FREM1: variants seen among roughly 807,000 people sequenced by gnomAD.
The protein encoded by FREM1 is FRAS1 related extracellular matrix 1.
A neutral mutation model predicts 210.1 loss-of-function variants in FREM1; 220 were observed. That is an observed-to-expected ratio of 1.05 (90% CI 0.94 to 1.17). FREM1 has a LOEUF of 1.17. FREM1 is among the 50% of genes most tolerant of loss of function. FREM1 has a pLI of 0.00. For synonymous variants in FREM1, 1,189 were observed against 980.2 expected (o/e 1.21, Z -3.98); for missense variants, 3,454 against 2,675.5 (o/e 1.29, Z -6.42).
intron 1 of FREM1, among the ~76,000 whole-genome samples, chr9:14,907,944 G>A (rs1000771860): frequency 6.6e-6 from 1 of 152,098 alleles, no homozygotes; most frequent in Non-Finnish European, 1.5e-5. Flanking sequence ...CAACAACTAA[G>A]ATTTGAAACA....
In FREM1 at chr9:14,859,470, T is replaced by C. The variant is rs1429036733; in HGVS notation, c.344A>G (p.Asp115Gly). 16 of 1,612,358 alleles carry C rather than the reference T, an allele frequency of 9.9e-6. No homozygotes were observed. The highest frequency in any genetic ancestry group is 1.3e-5 in the Non-Finnish European group (15 of 1,178,946). Residue 115 changes from aspartate (D) to glycine (G), a missense_variant, in exon 4 of 37, where the codon GAT (aspartate) becomes GGT (glycine). Transcript: ENST00000380880. The part of the protein sequence containing the change: ...KLRLYRFTER[D>G]TFIETFILWV... ...CAGGATAAAAGTTTCTATGAAGGTA[T>C]CTCTTTCAGTAAATCTGTGGAGAAC...
Position 14,851,455 on chromosome 9 carries a change from G to C in FREM1, c.981C>G (p.Thr327=). Residue 327 remains threonine, a synonymous_variant, in exon 6 of 37, where the codon ACC becomes ACG. Coordinates refer to ENST00000380880, the MANE Select transcript of FREM1 (RefSeq NM_001379081.2). The stretch of plus-strand genomic sequence containing the variant: ...TGTTGAACACCAGCAAGGGTTTAGG[G>C]GTCTCATCTTCTTCACAGTCCAGAA... ...TSVLDCEEDE[T]PKPLLVFNIT... 5.0e-6 allele frequency: 8 copies of C among 1,613,900 alleles called. No individual in the cohort carries two copies. Among genetic ancestry groups the C allele is most frequent in the Non-Finnish European group, 5.9e-6 (7 of 1,179,866 alleles).
At chr9:14,827,642 A>G (rs923469303) in intron 10 of FREM1, among the ~76,000 whole-genome samples, 1 of 152,236 alleles carries the variant, frequency 6.6e-6, no homozygotes, top group Non-Finnish European at 1.5e-5. Flanking sequence ...AGAGATTAGT[A>G]TGAATAGAAA....
At chr9:14,843,509 AG>A (rs1826054040) in intron 8 of FREM1, among the ~76,000 whole-genome samples, 1 of 152,120 alleles carries the variant, frequency 6.6e-6, no homozygotes, top group Admixed American at 6.6e-5. Context: ...GTAGGTAGGT[AG>A]GTAGGTAGGT....
chr9:14,803,044 CTT>C (rs1817593309), intron 19 of FREM1, among the ~76,000 whole-genome samples: 1 of 125,196 alleles, frequency 8.0e-6, no homozygotes, highest in South Asian at 2.9e-4. Flanking sequence ...TTCTTTTCTT[CTT>C]TCTCTTTCTT....
At chr9:14,896,967 C>T (rs1212501430) in intron 1 of FREM1, among the ~76,000 whole-genome samples, 1 of 152,188 alleles carries the variant, frequency 6.6e-6, no homozygotes, top group African/African-American at 2.4e-5. Flanking sequence ...CAGATGTCTG[C>T]AGCAGAAAAC....
intron 17 of FREM1, among the ~76,000 whole-genome samples, 154 bp downstream of exon 17, chr9:14,807,786 G>A (rs1407818777): frequency 6.6e-6 from 1 of 152,044 alleles, no homozygotes; most frequent in African/African-American, 2.4e-5. Flanking sequence ...ACAGATTTGG[G>A]TTTTCCACAA....
intron 15 of FREM1, among the ~76,000 whole-genome samples, chr9:14,813,733 G>A (rs1185746135): frequency 6.6e-6 from 1 of 151,280 alleles, no homozygotes; most frequent in Non-Finnish European, 1.5e-5. Context: ...TAAAAAGATC[G>A]TGTAGAAATC....
At chr9:14,860,656 CATATAT>C (rs1256347833) in intron 3 of FREM1, among the ~76,000 whole-genome samples, 1 of 134,892 alleles carries the variant, frequency 7.4e-6, no homozygotes, top group African/African-American at 3.1e-5. Flanking sequence ...CATATATACA[CATATAT>C]ACATATATAC....
intron 1 of FREM1, among the ~76,000 whole-genome samples, chr9:14,900,166 A>G (rs1588664140): frequency 6.6e-6 from 1 of 152,178 alleles, no homozygotes; most frequent in Admixed American, 6.5e-5. Context: ...CACCAAGATG[A>G]GTTGCCTCCT....
At chr9:14,808,598 G>C (rs770364953) in intron 16 of FREM1, among the ~76,000 whole-genome samples, 3 of 152,160 alleles carry the variant, frequency 2.0e-5, no homozygotes, top group Non-Finnish European at 4.4e-5. Flanking sequence ...GAGAAACGAG[G>C]ATGTTGAATA....
At chr9:14,905,267 T>TGA (rs149403675) in intron 1 of FREM1, among the ~76,000 whole-genome samples, 3,269 of 151,224 alleles carry the variant, frequency 0.022, 99 homozygotes, top group African/African-American at 0.068. Flanking sequence ...TTTAAAATGG[T>TGA]GAGAGAGAGA....
intron 27 of FREM1, among the ~76,000 whole-genome samples, chr9:14,761,995 G>C (rs1417600589): frequency 1.3e-5 from 2 of 152,156 alleles, no homozygotes; most frequent in Non-Finnish European, 2.9e-5. Flanking sequence ...GTGCAGTACA[G>C]GAAAAAGCAC....
chr9:14,891,779 T>C lies in FREM1; in HGVS notation c.-268+18135A>G, dbSNP rs1331535215. Among the ~76,000 whole-genome samples the C allele has an allele frequency of 2.0e-5, 3 of 152,146 alleles. No homozygotes were observed. The South Asian group carries it at 6.2e-4, about 32-fold the overall frequency. On this transcript the variant is annotated intron_variant, in intron 1 of 36. Transcript: ENST00000380880. ...GAAGATGGAGAGAAAGAATGTAGCA[T>C]AGTCAAAGAATCAACAAGTAGGTGT...
chr9:14,848,124 A>G (rs1271616746), intron 7 of FREM1, among the ~76,000 whole-genome samples: 1 of 152,246 alleles, frequency 6.6e-6, no homozygotes, highest in Non-Finnish European at 1.5e-5. Context: ...ATCAGTGAGA[A>G]GGAAAAGATC....
At chr9:14,908,963 CT>C (rs1345536572) in intron 1 of FREM1, among the ~76,000 whole-genome samples, 2 of 152,156 alleles carry the variant, frequency 1.3e-5, no homozygotes, top group Non-Finnish European at 2.9e-5. Flanking sequence ...AAGCAGGGGG[CT>C]GAGGCACAGC....
At chr9:14,900,257 A>C (rs969202431) in intron 1 of FREM1, among the ~76,000 whole-genome samples, 1 of 152,150 alleles carries the variant, frequency 6.6e-6, no homozygotes, top group Non-Finnish European at 1.5e-5. Context: ...AATTTGTCTG[A>C]GTGGGGCCCA....
intron 10 of FREM1, among the ~76,000 whole-genome samples, chr9:14,832,032 G>A (rs1823662308): frequency 6.6e-6 from 1 of 152,204 alleles, no homozygotes; most frequent in African/African-American, 2.4e-5. Flanking sequence ...CTTTCTAGAT[G>A]GGTAACAGAT....
At position 14,836,795 on chromosome 9, in the gene FREM1, C is replaced by T. The variant is rs1016493582; in HGVS notation, c.1881+4652G>A. 1.3e-5 allele frequency among the ~76,000 whole-genome samples: 2 copies of T among 152,174 alleles called. No individual in the cohort carries two copies. Among genetic ancestry groups the T allele is most frequent in the South Asian group, 2.1e-4 (1 of 4,832 alleles). ...CCTAACTGCTGTTCCCCATTCAACG[C>T]CCCTTTTAAGTAGGAAGTAGCCAGA... is the stretch of plus-strand genomic sequence containing the variant. On this transcript the variant is annotated intron_variant, in intron 10 of 36. Coordinates refer to ENST00000380880, the MANE Select transcript of FREM1 (RefSeq NM_001379081.2). This position sits in a 1 kb window ranked among gnomAD's most constrained non-coding sequence, Gnocchi z 4.9.
Sources: gnomAD v4.1 joint callset for allele counts (sites outside exome capture counted in the v4.1 genomes callset) on GRCh38, gnomAD v4.1.1 for gene constraint, Gnocchi (gnomAD v3.1) non-coding constraint, MANE v1.5 for transcripts, NCBI Gene and HGNC (gene_info 2026-07-23, HGNC 2026-07-21) for gene names.